Variants in DNAJC11 observed in about 807,000 individuals in gnomAD.
DNAJC11 encodes the protein dnaJ homolog subfamily C member 11.
In DNAJC11, 15 loss-of-function variants were observed where a neutral mutation model predicts 78.6. The observed-to-expected ratio is 0.19, with a 90% confidence interval of 0.13 to 0.29. The LOEUF is 0.29. DNAJC11 is among the 10% of genes least tolerant of loss of function. DNAJC11 has a pLI of 1.00. For synonymous variants in DNAJC11, 292 were observed against 272.1 expected, an observed-to-expected ratio of 1.07 and a Z score of -0.72; for missense variants, 547 against 709.6, an observed-to-expected ratio of 0.77 and a Z score of 2.60.
chr1:6,650,672 G>C (rs1274607245), intron 7 of DNAJC11, among the ~76,000 whole-genome samples: 1 of 151,878 alleles, frequency 6.6e-6, no homozygotes, highest in African/African-American at 2.4e-5. Flanking sequence ...TCAGGAGTTC[G>C]AGACCAGCCT....
At chr1:6,646,413 G>A (rs778196473) in intron 7 of DNAJC11, among the ~76,000 whole-genome samples, 9 of 152,182 alleles carry the variant, frequency 5.9e-5, no homozygotes, top group East Asian at 3.8e-4. Context: ...TGGCTTCTTC[G>A]CCGGCATGCT....
intron 1 of DNAJC11, among the ~76,000 whole-genome samples, chr1:6,684,542 G>A (rs534931111): frequency 6.6e-6 from 1 of 152,242 alleles, no homozygotes; most frequent in Non-Finnish European, 1.5e-5. Context: ...TACTCTGCAA[G>A]ACATTCTTTA....
rs540398655 is a variant in DNAJC11 at position 6,653,072 on chromosome 1, G to A, written c.508-121C>T. On this transcript the variant is annotated intron_variant, in intron 5 of 15. Transcript: ENST00000377577. This position sits in a 1 kb window ranked among gnomAD's most constrained non-coding sequence, Gnocchi z 4.5. The stretch of plus-strand genomic sequence containing the variant: ...GTGCAGACGATTCCTCTGTTCAGAA[G>A]CACACATGGATGCAGAACTGCCGCA... 2.0e-5 allele frequency: 23 copies of A among 1,172,898 alleles called. No individual in the cohort carries two copies. The South Asian group carries it at 2.8e-4, about 14-fold the overall frequency. 72.7% of individuals were successfully genotyped at this position (1,172,898 alleles called of 1,614,324 possible). A position where few individuals can be genotyped will look rare whatever the true frequency, so the allele number is the denominator to read the frequency against.
chr1:6,685,079 T>C (rs200445), intron 1 of DNAJC11, among the ~76,000 whole-genome samples: 77,227 of 151,964 alleles, frequency 0.51, 20,011 homozygotes, highest in Admixed American at 0.61. Context: ...TCAAGACCAG[T>C]TTGAGCAACA....
intron 4 of DNAJC11, among the ~76,000 whole-genome samples, chr1:6,656,709 T>C (rs1272696327): frequency 7.4e-6 from 1 of 135,256 alleles, no homozygotes; most frequent in African/African-American, 2.8e-5. Context: ...TGAGACTCTG[T>C]CTCCACAAAA....
intron 3 of DNAJC11, among the ~76,000 whole-genome samples, chr1:6,675,289 GAAAA>G (rs755060430): frequency 8.5e-6 from 1 of 117,876 alleles, no homozygotes; most frequent in Non-Finnish European, 1.8e-5. Flanking sequence ...GTATCCACAT[GAAAA>G]AAAAAAAAAA....
chr1:6,653,543 G>A lies in DNAJC11; in HGVS notation c.507+368C>T, dbSNP rs1242940691. 2.0e-5 allele frequency among the ~76,000 whole-genome samples: 3 copies of A among 152,180 alleles called. No individual in the cohort carries two copies. Among genetic ancestry groups the A allele is most frequent in the African/African-American group, 7.2e-5 (3 of 41,448 alleles). On this transcript the variant is annotated intron_variant, in intron 5 of 15. Coordinates refer to ENST00000377577, the MANE Select transcript of DNAJC11 (RefSeq NM_018198.4). The surrounding 1 kb of genome is among the most constrained non-coding windows in gnomAD (Gnocchi z 4.5). The stretch of plus-strand genomic sequence containing the variant: ...AGGATGAGAGCTGCTATAGCCTTGC[G>A]GCACCTAGCAGAATTTGCCTTAAAA...
chr1:6,647,118 G>A (rs1463224779), intron 7 of DNAJC11, among the ~76,000 whole-genome samples: 8 of 129,574 alleles, frequency 6.2e-5, no homozygotes, highest in South Asian at 4.6e-4. Flanking sequence ...AGTTTCGCTC[G>A]TCCAGGCTGG....
chr1:6,676,450 G>T (rs186007185), intron 3 of DNAJC11, among the ~76,000 whole-genome samples: 3 of 152,126 alleles, frequency 2.0e-5, no homozygotes, highest in Admixed American at 2.0e-4. Flanking sequence ...GAGGCTGAGG[G>T]GGGAGGGTAG....
chr1:6,643,571 G>A (rs890825243), intron 10 of DNAJC11, among the ~76,000 whole-genome samples: 8 of 152,198 alleles, frequency 5.3e-5, no homozygotes, highest in Admixed American at 3.9e-4. Flanking sequence ...CACAGTGCCC[G>A]GCCAAAACCA....
chr1:6,648,567 C>T (rs1001361797), intron 7 of DNAJC11, among the ~76,000 whole-genome samples: 3 of 152,278 alleles, frequency 2.0e-5, no homozygotes, highest in East Asian at 3.9e-4. Flanking sequence ...AGCGATCCTC[C>T]CACCTCAGCA....
intron 1 of DNAJC11, among the ~76,000 whole-genome samples, chr1:6,684,979 A>G (rs1355940235): frequency 3.3e-5 from 5 of 152,206 alleles, no homozygotes; most frequent in Non-Finnish European, 7.4e-5. Flanking sequence ...TCAGAAGTCA[A>G]TAACAGGGCT....
chr1:6,670,686 G>A (rs1642366234), intron 3 of DNAJC11: 1 of 152,028 alleles, frequency 6.6e-6, no homozygotes. Flanking sequence ...CAAACTAAAG[G>A]TCCTAAGTGG....
intron 7 of DNAJC11, among the ~76,000 whole-genome samples, chr1:6,647,824 CA>C (rs1641989468): frequency 6.6e-6 from 1 of 152,010 alleles, no homozygotes; most frequent in Non-Finnish European, 1.5e-5. Context: ...AAACACAAAA[CA>C]AAACAAACAA....
intron 4 of DNAJC11, among the ~76,000 whole-genome samples, chr1:6,657,183 G>C (rs1484798380): frequency 2.6e-5 from 4 of 152,108 alleles, no homozygotes; most frequent in Admixed American, 6.5e-5. Flanking sequence ...TGATGGTGCT[G>C]ACTTCAAGAC....
chr1:6,643,878 A>G (rs2148729428), intron 10 of DNAJC11, among the ~76,000 whole-genome samples: 1 of 149,270 alleles, frequency 6.7e-6, no homozygotes, highest in Non-Finnish European at 1.5e-5. Context: ...AAGCAACTGT[A>G]TTTTTTTTTT....
At chr1:6,665,286 C>A (rs1188266779) in intron 4 of DNAJC11, among the ~76,000 whole-genome samples, 2 of 152,126 alleles carry the variant, frequency 1.3e-5, no homozygotes, top group Non-Finnish European at 2.9e-5. Context: ...ACAGGCTGGT[C>A]TCAAACTCCT....
At chr1:6,635,979 G>A (rs1641760221) in intron 15 of DNAJC11, 138 bp downstream of exon 15, 4 of 1,291,028 alleles carry the variant, frequency 3.1e-6, no homozygotes, top group Non-Finnish European at 4.2e-6. Flanking sequence ...TGAATCATGG[G>A]TCAAGGGCTA....
chr1:6,637,294 CTT>C lies in DNAJC11; in HGVS notation c.1426_1427del (p.Lys476GlufsTer11), dbSNP rs1641795881. 2 of 1,614,114 alleles carry C rather than the reference CTT, an allele frequency of 1.2e-6. No homozygotes were observed. Among genetic ancestry groups the C allele is most frequent in the African/African-American group, 1.3e-5 (1 of 74,942 alleles). On this transcript the variant is annotated frameshift_variant, in exon 14 of 16. Coordinates refer to ENST00000377577, the MANE Select transcript of DNAJC11 (RefSeq NM_018198.4). LOFTEE classifies it high-confidence loss of function. ...NAWYGKFVNDKSRKSEKVKVI... is the reference protein window; with the variant it reads ...NAWYGKFVNDXSRKSEKVKVI... The stretch of plus-strand genomic sequence containing the variant: ...CCTTCACCTTCTCGCTCTTCCTGCT[CTT>C]GTCATTGACAAACTTCCCGTACCAG...
Sources: allele counts gnomAD v4.1 joint callset (sites outside exome capture counted in the v4.1 genomes callset), GRCh38; gene constraint gnomAD v4.1.1; non-coding constraint Gnocchi (gnomAD v3.1); transcripts MANE v1.5; gene names NCBI Gene and HGNC (gene_info 2026-07-23, HGNC 2026-07-21).